Variants in DCHS2 observed in about 807,000 individuals in gnomAD.
DCHS2 encodes the protein dachsous cadherin-related 2.
Under a neutral mutation model 182.4 loss-of-function variants are expected in DCHS2, and 142 were observed. The ratio of observed to expected loss-of-function variants is 0.78; its 90% confidence interval spans 0.68 to 0.89. The LOEUF (loss-of-function observed/expected upper bound fraction) is 0.89, where lower values mean the gene tolerates loss of function less well. Ranked by LOEUF, DCHS2 falls within the 40% of genes least tolerant of loss-of-function variation. The probability of loss-of-function intolerance (pLI) is 0.00; values close to 1 mark genes in which losing one functional copy is unlikely to be tolerated. For missense variants in DCHS2, 4,319 were observed against 4,198.6 expected, an observed-to-expected ratio of 1.03 and a Z score of -0.79; for synonymous variants, 1,740 against 1,663.3, an observed-to-expected ratio of 1.05 and a Z score of -1.12.
In DCHS2 at chr4:154,328,176, G is replaced by A; in HGVS notation, c.3935C>T (p.Pro1312Leu). Residue 1312 changes from proline to leucine, a missense_variant, in exon 7 of 20, where the codon CCA becomes CTA. Physicochemically the swap from Pro to Leu is moderately conservative, Grantham distance 98 (BLOSUM62 -3). Transcript: ENST00000357232. ...CACAGTTGTAACCAACATATTTACT[G>A]GTTGACCTTCCAGAACCTGCCATTA... ...ELHVKVLEGQ[P>L]VNMLVTTVFA... 6.2e-7 allele frequency: 1 copy of A among 1,606,048 alleles called. No individual in the cohort carries two copies. Among genetic ancestry groups the A allele is most frequent in the Non-Finnish European group, 8.5e-7 (1 of 1,176,634 alleles).
intron 2 of DCHS2, among the ~76,000 whole-genome samples, chr4:154,369,047 C>A (rs1359188006): frequency 1.3e-5 from 2 of 152,134 alleles, no homozygotes; most frequent in African/African-American, 4.8e-5. Flanking sequence ...TAATGTATTA[C>A]TTATATTACA....
chr4:154,485,947 T>C (rs1162723412), intron 1 of DCHS2, among the ~76,000 whole-genome samples: 2 of 152,172 alleles, frequency 1.3e-5, no homozygotes, highest in Non-Finnish European at 2.9e-5. Context: ...GAAAATGGAA[T>C]CTTTCAGGCC....
At chr4:154,319,345 G>A (rs866871579) in intron 9 of DCHS2, among the ~76,000 whole-genome samples, 15 of 151,526 alleles carry the variant, frequency 9.9e-5, no homozygotes, top group African/African-American at 3.2e-4. Context: ...ATAAACAGGC[G>A]GATTACATAA....
In DCHS2 at chr4:154,332,876, A is replaced by T; in HGVS notation, c.3332T>A (p.Leu1111His). 2.5e-6 allele frequency: 4 copies of T among 1,614,202 alleles called. No homozygotes were observed. The highest frequency in any genetic ancestry group is 1.1e-5 in the South Asian group (1 of 91,082). Residue 1111 changes from leucine to histidine, a missense_variant, in exon 5 of 20, where the codon CTT (leucine) becomes CAT (histidine). Coordinates refer to ENST00000357232, the MANE Select transcript of DCHS2 (RefSeq NM_001358235.2). The stretch of plus-strand genomic sequence containing the variant: ...AGGCGAGGCTGCACGCTGGGGGCCA[A>T]GTGGGTGCGCCTGTGTTTGCAGCAT... ...TQMLQTQAHPLGPQRAASPLR... is the reference protein window; with the variant it reads ...TQMLQTQAHPHGPQRAASPLR...
rs758635964 is a variant in DCHS2 at position 154,240,803 on chromosome 4, C to A, written c.7093G>T (p.Val2365Leu). The A allele has an allele frequency of 3.1e-6, 5 of 1,613,674 alleles. No individual in the cohort carries two copies. The South Asian group carries it at 4.4e-5, about 14-fold the overall frequency. ...ITEDSLPGVI[V>L]THVSVHDVDL... is the part of the protein sequence containing the mutation. ...ACATCATGAACTGACACATGAGTCA[C>A]AATTACACCAGGCAAAGAATCTGAA... Residue 2365 changes from valine to leucine, a missense_variant, in exon 18 of 20, where the codon GTG becomes TTG. Coordinates refer to ENST00000357232, the MANE Select transcript of DCHS2 (RefSeq NM_001358235.2).
intron 13 of DCHS2, among the ~76,000 whole-genome samples, chr4:154,274,970 C>T (rs1733771343): frequency 1.3e-5 from 2 of 151,860 alleles, no homozygotes; most frequent in Admixed American, 6.6e-5. Flanking sequence ...TACACAAGCC[C>T]CAGAGACCCC....
At chr4:154,429,797 C>T (rs1407408729) in intron 1 of DCHS2, among the ~76,000 whole-genome samples, 1 of 152,036 alleles carries the variant, frequency 6.6e-6, no homozygotes, top group African/African-American at 2.4e-5. Context: ...AAGCATCATC[C>T]AGTAGTGAGT....
intron 1 of DCHS2, among the ~76,000 whole-genome samples, chr4:154,415,335 C>G (rs1271800304): frequency 1.3e-5 from 2 of 152,116 alleles, no homozygotes; most frequent in African/African-American, 4.8e-5. Context: ...TTAATTGGAG[C>G]CCATGACTCA....
At chr4:154,312,605 A>G (rs979510928) in intron 10 of DCHS2, among the ~76,000 whole-genome samples, 6 of 152,208 alleles carry the variant, frequency 3.9e-5, no homozygotes, top group African/African-American at 1.4e-4. Context: ...GTTCTCTTTA[A>G]ATGAAGTACG....
intron 7 of DCHS2, among the ~76,000 whole-genome samples, chr4:154,323,830 C>T (rs1204250166): frequency 2.6e-5 from 4 of 151,194 alleles, no homozygotes; most frequent in Non-Finnish European, 5.9e-5. Flanking sequence ...CAAGATATCT[C>T]AATATGTATA....
At chr4:154,457,445 G>A (rs776849077) in intron 1 of DCHS2, among the ~76,000 whole-genome samples, 3 of 152,124 alleles carry the variant, frequency 2.0e-5, no homozygotes, top group African/African-American at 4.8e-5. Flanking sequence ...ACTCACCCAT[G>A]CCTGGTTCCT....
At chr4:154,443,007 C>T (rs75103683) in intron 1 of DCHS2, among the ~76,000 whole-genome samples, 2 of 152,168 alleles carry the variant, frequency 1.3e-5, no homozygotes, top group Admixed American at 1.3e-4. Context: ...CCAAACTCAA[C>T]TTTCCCTTTC....
chr4:154,357,427 C>A, intron 3 of DCHS2: 1 of 680,300 alleles, frequency 1.5e-6, no homozygotes, highest in South Asian at 1.7e-5. Flanking sequence ...GGACACGTAG[C>A]ACTCTTGTGC....
intron 4 of DCHS2, chr4:154,333,729 A>T: frequency 1.8e-6 from 1 of 542,552 alleles, no homozygotes; most frequent in Non-Finnish European, 3.3e-6. Context: ...TATTAAGTGC[A>T]GTAATATGCT....
At chr4:154,361,622 G>A (rs906250513) in intron 3 of DCHS2, among the ~76,000 whole-genome samples, 1 of 152,164 alleles carries the variant, frequency 6.6e-6, no homozygotes, top group Non-Finnish European at 1.5e-5. Context: ...GCTCAACTCA[G>A]TATCTCTCTC....
intron 3 of DCHS2, among the ~76,000 whole-genome samples, chr4:154,341,803 A>G (rs541444334): frequency 2.6e-4 from 39 of 152,284 alleles, no homozygotes; most frequent in Non-Finnish European, 4.7e-4. Flanking sequence ...TAAACCTACC[A>G]TGGTTTTACC....
chr4:154,234,896 A>G lies in DCHS2; in HGVS notation c.9756T>C (p.Asn3252=). 9 of 1,614,066 alleles carry G rather than the reference A, an allele frequency of 5.6e-6. No individual in the cohort carries two copies. The highest frequency in any genetic ancestry group is 6.8e-6 in the Non-Finnish European group (8 of 1,179,952). ...GTTCATCCTTTAGTTTTGCAATATC[A>G]TTAAATACTGAGGCAAGAGGTTGGA... ...PKFQPLASVF[N]DIAKLKDEHL... is the part of the protein sequence containing the mutation. The change falls in exon 20 of 20, where the codon AAT becomes AAC. Residue 3252 remains asparagine, a synonymous_variant. Transcript: ENST00000357232.
intron 7 of DCHS2, among the ~76,000 whole-genome samples, chr4:154,326,301 T>A (rs1378753583): frequency 1.3e-5 from 2 of 152,202 alleles, no homozygotes; most frequent in African/African-American, 4.8e-5. Flanking sequence ...TACTGGTTTT[T>A]CTTACTGGTT....
chr4:154,490,877 ACGTCGTTGACG>A lies in DCHS2; in HGVS notation c.468_478del (p.Val157GlufsTer2), dbSNP rs1172736039. The A allele has an allele frequency of 6.4e-7, 1 of 1,551,284 alleles. No homozygotes were observed. The highest frequency in any genetic ancestry group is 8.7e-7 in the Non-Finnish European group (1 of 1,146,912). On this transcript the variant is annotated frameshift_variant, in exon 1 of 20. Coordinates refer to ENST00000357232, the MANE Select transcript of DCHS2 (RefSeq NM_001358235.2). LOFTEE classifies it high-confidence loss of function. ...GGGAAAGCGGGGCGAGTGGTCATTC[ACGTCGTTGACG>A]CGAATCTCCACCTGCACCACAGCGC...
Sources: gnomAD v4.1 joint callset for allele counts (sites outside exome capture counted in the v4.1 genomes callset) on GRCh38, gnomAD v4.1.1 for gene constraint, MANE v1.5 for transcripts, NCBI Gene and HGNC (gene_info 2026-07-23, HGNC 2026-07-21) for gene names.